The following SLC44A3 variants were observed in gnomAD, a reference collection of about 807,000 sequenced individuals.
SLC44A3 encodes the protein choline transporter-like protein 3.
SLC44A3 carries 74 observed loss-of-function variants against 75.4 expected under a neutral mutation model. The observed-to-expected ratio is 0.98, with a 90% CI of 0.81 to 1.19. The LOEUF is 1.19. Ranked by LOEUF, SLC44A3 falls within the 50% of genes most tolerant of loss-of-function variation. SLC44A3 has a pLI of 0.00. For missense variants in SLC44A3, 700 were observed against 778.6 expected, an observed-to-expected ratio of 0.90 and a Z score of 1.20; for synonymous variants, 310 against 296.9, an observed-to-expected ratio of 1.04 and a Z score of -0.45.
chr1:94,833,627 G>T (rs375330627), intron 5 of SLC44A3, among the ~76,000 whole-genome samples: 4 of 152,238 alleles, frequency 2.6e-5, no homozygotes, highest in East Asian at 1.9e-4. Context: ...TGTTAAAGCC[G>T]CTCACCCTCC....
rs114459641 is a variant in SLC44A3, at chr1:94,821,926, C to T, written c.135+870C>T. Among the ~76,000 whole-genome samples, 419 of 152,288 alleles carry T rather than the reference C, an allele frequency of 2.8e-3. 1 individual carries two copies. The highest frequency in any genetic ancestry group is 9.6e-3 in the African/African-American group (399 of 41,552). Reference sequence around the variant, plus strand: ...TTATGACCCGTTTCACATAGACAGGCTTGGTTACAGGCACAGTGGAAGGTT... The same window carrying T: ...TTATGACCCGTTTCACATAGACAGGTTTGGTTACAGGCACAGTGGAAGGTT... On this transcript the variant is annotated intron_variant, in intron 2 of 14. Transcript: ENST00000271227.
chr1:94,861,130 AC>A (rs1666522180), intron 10 of SLC44A3, among the ~76,000 whole-genome samples: 1 of 152,270 alleles, frequency 6.6e-6, no homozygotes, highest in African/African-American at 2.4e-5. Context: ...GGAATATGCT[AC>A]TTAGATCAGT....
chr1:94,847,915 C>G (rs1664626086), intron 9 of SLC44A3, among the ~76,000 whole-genome samples: 1 of 152,160 alleles, frequency 6.6e-6, no homozygotes, highest in Non-Finnish European at 1.5e-5. Flanking sequence ...CATCTGGGAT[C>G]CAAAGCTAGG....
At chr1:94,880,638 A>C (rs1381142449) in intron 12 of SLC44A3, among the ~76,000 whole-genome samples, 1 of 152,234 alleles carries the variant, frequency 6.6e-6, no homozygotes, top group Non-Finnish European at 1.5e-5. Flanking sequence ...TGGCAAACAC[A>C]GTAAAAGTAG....
intron 5 of SLC44A3, among the ~76,000 whole-genome samples, chr1:94,832,629 C>T (rs1344358157): frequency 6.6e-6 from 1 of 152,170 alleles, no homozygotes; most frequent in Non-Finnish European, 1.5e-5. Context: ...TTAGGTAATA[C>T]ATACTGAGTC....
chr1:94,894,966 G>A lies in SLC44A3; in HGVS notation c.*44G>A, dbSNP rs1454443959. Reference sequence around the variant, plus strand: ...GTACCTGGAAAACATTTCCTTCTAAGAGCCATTTACAGAATAGAAGATGAG... The same window carrying A: ...GTACCTGGAAAACATTTCCTTCTAAAAGCCATTTACAGAATAGAAGATGAG... On this transcript the variant is annotated 3_prime_UTR_variant, in exon 15 of 15. Coordinates refer to ENST00000271227, the MANE Select transcript of SLC44A3 (RefSeq NM_001114106.3). 6.7e-7 allele frequency: 1 copy of A among 1,498,782 alleles called. No individual in the cohort carries two copies. Among genetic ancestry groups the A allele is most frequent in the East Asian group, 2.4e-5 (1 of 41,586 alleles). 92.8% of individuals were successfully genotyped at this position (1,498,782 alleles called of 1,614,324 possible). A position where few individuals can be genotyped will look rare whatever the true frequency, so the allele number is the denominator to read the frequency against.
At chr1:94,830,542 T>A (rs1043093208) in intron 5 of SLC44A3, among the ~76,000 whole-genome samples, 4 of 152,146 alleles carry the variant, frequency 2.6e-5, no homozygotes, top group Non-Finnish European at 5.9e-5. Flanking sequence ...TTCTGGTAAT[T>A]GTAAATGTGT....
chr1:94,839,313 G>A (rs1024623574), intron 6 of SLC44A3, among the ~76,000 whole-genome samples: 1 of 150,464 alleles, frequency 6.6e-6, no homozygotes, highest in African/African-American at 2.4e-5. Flanking sequence ...GATAATTTTA[G>A]ATGGTTCATT....
At chr1:94,841,935 T>G in intron 7 of SLC44A3, 65 bp from the exon 8 acceptor site, 1 of 1,527,998 alleles carries the variant, frequency 6.5e-7, no homozygotes, top group Non-Finnish European at 8.8e-7. Context: ...TGTGTGATTC[T>G]GTGTGCTGGG....
intron 14 of SLC44A3, among the ~76,000 whole-genome samples, chr1:94,893,567 G>T (rs1297332044): frequency 6.6e-6 from 1 of 151,708 alleles, no homozygotes; most frequent in African/African-American, 2.4e-5. Flanking sequence ...GAAGAGACGG[G>T]GTTTCACCAT....
intron 12 of SLC44A3, among the ~76,000 whole-genome samples, chr1:94,870,792 C>A (rs773351251): frequency 6.6e-6 from 1 of 152,178 alleles, no homozygotes; most frequent in Non-Finnish European, 1.5e-5. Flanking sequence ...AAGTGATTCT[C>A]CTGCCTTATC....
chr1:94,854,088 G>A (rs1665554626), intron 9 of SLC44A3, among the ~76,000 whole-genome samples: 1 of 152,156 alleles, frequency 6.6e-6, no homozygotes, highest in Admixed American at 6.6e-5. Context: ...ACTCATAACA[G>A]CTATGTGTAT....
At chr1:94,886,639 T>C (rs1207694260) in intron 12 of SLC44A3, among the ~76,000 whole-genome samples, 1 of 152,134 alleles carries the variant, frequency 6.6e-6, no homozygotes, top group Non-Finnish European at 1.5e-5. Flanking sequence ...TTCTGCTCTT[T>C]GTGGCCCTCA....
intron 9 of SLC44A3, among the ~76,000 whole-genome samples, chr1:94,847,191 C>T (rs1417826127): frequency 2.0e-5 from 3 of 152,258 alleles, no homozygotes; most frequent in African/African-American, 4.8e-5. Context: ...GGTAATTTCT[C>T]TGTCACACAG....
At chr1:94,866,611 T>C (rs1315535876) in intron 11 of SLC44A3, among the ~76,000 whole-genome samples, 2 of 152,178 alleles carry the variant, frequency 1.3e-5, no homozygotes, top group Admixed American at 6.5e-5. Flanking sequence ...TTTCATCCAA[T>C]TGAATTCACA....
At chr1:94,880,659 A>G (rs1229067458) in intron 12 of SLC44A3, among the ~76,000 whole-genome samples, 1 of 152,212 alleles carries the variant, frequency 6.6e-6, no homozygotes, top group Non-Finnish European at 1.5e-5. Context: ...ACACTGTATG[A>G]ATAAAATCAT....
chr1:94,860,747 G>A (rs892684633), intron 10 of SLC44A3, among the ~76,000 whole-genome samples: 1 of 152,200 alleles, frequency 6.6e-6, no homozygotes, highest in Non-Finnish European at 1.5e-5. Flanking sequence ...TCATGCACAG[G>A]CAGTCCCAAG....
intron 12 of SLC44A3, among the ~76,000 whole-genome samples, chr1:94,869,142 T>G (rs916446529): frequency 6.6e-6 from 1 of 152,276 alleles, no homozygotes; most frequent in South Asian, 2.1e-4. Flanking sequence ...TTTTCACATT[T>G]GTTTCCTCTG....
Position 94,892,404 on chromosome 1 carries a change from T to G in SLC44A3, c.1744T>G (p.Phe582Val). The stretch of plus-strand genomic sequence containing the variant: ...TTTTGCCTACTTAGTAGCCCATAGT[T>G]TTTTATCTGTGTTTGAAACTGTGCT... ...AFFAYLVAHS[F>V]LSVFETVLDA... is the part of the protein sequence containing the mutation. The change falls in exon 14 of 15, where the codon TTT (phenylalanine) becomes GTT (valine). Residue 582 changes from phenylalanine (F) to valine (V), a missense_variant. Physicochemically the swap from Phe to Val is conservative, Grantham distance 50 (BLOSUM62 -1). Transcript: ENST00000271227. The G allele has an allele frequency of 6.2e-7, 1 of 1,614,170 alleles. No homozygotes were observed. The highest frequency in any genetic ancestry group is 1.3e-5 in the African/African-American group (1 of 75,042).
Sources: gnomAD v4.1 joint callset for allele counts (sites outside exome capture counted in the v4.1 genomes callset) on GRCh38, gnomAD v4.1.1 for gene constraint, MANE v1.5 for transcripts, NCBI Gene and HGNC (gene_info 2026-07-23, HGNC 2026-07-21) for gene names.